PTPRU: variants seen among roughly 807,000 people sequenced by gnomAD.
PTPRU encodes the protein protein tyrosine phosphatase receptor type U, also known as receptor-type tyrosine-protein phosphatase U.
Under a neutral mutation model 166.3 loss-of-function variants are expected in PTPRU, and 69 were observed. That is an observed-to-expected ratio of 0.41 (90% CI 0.34 to 0.51). PTPRU has a LOEUF of 0.51. Ranked by LOEUF, PTPRU falls within the 20% of genes least tolerant of loss-of-function variation. PTPRU has a pLI of 0.09. For synonymous variants in PTPRU, 793 were observed against 814.0 expected (o/e 0.97, Z 0.44); for missense variants, 1,657 against 2,013.7 (o/e 0.82, Z 3.39).
intron 14 of PTPRU, among the ~76,000 whole-genome samples, chr1:29,290,596 C>T (rs1244060612): frequency 6.6e-6 from 1 of 152,250 alleles, no homozygotes; most frequent in Non-Finnish European, 1.5e-5. Context: ...TCTCTCACCT[C>T]CTCCTCCCTG....
chr1:29,311,621 TC>T lies in PTPRU; in HGVS notation c.2956-19del, dbSNP rs748966787. The T allele has an allele frequency of 9.3e-6, 15 of 1,613,738 alleles. No individual in the cohort carries two copies. The highest frequency in any genetic ancestry group is 1.7e-5 in the Admixed American group (1 of 60,006). On this transcript the variant is annotated intron_variant, in intron 20 of 29. Coordinates refer to ENST00000373779, the MANE Select transcript of PTPRU (RefSeq NM_133178.4). This position sits in a 1 kb window ranked among gnomAD's most constrained non-coding sequence, Gnocchi z 4.1. ...AGGGGGCAGCAAAGAGCCCACTGAG[TC>T]CCGTCCTGTGGGGCCTCTAGGTGAA...
At chr1:29,305,463 G>A (rs368294869) in intron 18 of PTPRU, 35 bp downstream of exon 18, 239 of 1,591,006 alleles carry the variant, frequency 1.5e-4, no homozygotes, top group Middle Eastern at 1.2e-3. Context: ...TGCAGACCTG[G>A]CCCTGCCCGC....
At position 29,320,724 on chromosome 1, in the gene PTPRU, C is replaced by CA. The variant is rs1688118299; in HGVS notation, c.3727_3728insA (p.Pro1243HisfsTer61). The CA allele has an allele frequency of 6.2e-7, 1 of 1,607,378 alleles. No individual in the cohort carries two copies. Among genetic ancestry groups the CA allele is most frequent in the Non-Finnish European group, 8.5e-7 (1 of 1,175,002 alleles). On this transcript the variant is annotated frameshift_variant, in exon 26 of 30. Transcript: ENST00000373779. LOFTEE classifies it high-confidence loss of function. This position sits in a 1 kb window ranked among gnomAD's most constrained non-coding sequence, Gnocchi z 5.2. ...TGCGGCCTTCATCGTGACCCTGCACCCGCTGCAGAGCACCACGCCCGACTT... is the reference window on the plus strand; with the variant it reads ...TGCGGCCTTCATCGTGACCCTGCACCACGCTGCAGAGCACCACGCCCGACTT...
chr1:29,305,532 G>C lies in PTPRU; in HGVS notation c.2820+104G>C, dbSNP rs370623222. The C allele has an allele frequency of 3.3e-6, 4 of 1,197,410 alleles. No individual in the cohort carries two copies. In the African/African-American group the frequency reaches 6.0e-5, roughly 18 times the overall value. The allele number at this position is 1,197,410 out of a possible 1,614,324, so 74.2% of individuals were successfully genotyped here. ...GTCGGGATAAATGGGGGTTCAAATG[G>C]CTGAGTTCGGAGTGCCCCTATCTCT... On this transcript the variant is annotated intron_variant, in intron 18 of 29. Coordinates refer to ENST00000373779, the MANE Select transcript of PTPRU (RefSeq NM_133178.4).
chr1:29,270,161 A>G (rs1420248531), intron 7 of PTPRU, among the ~76,000 whole-genome samples: 2 of 152,150 alleles, frequency 1.3e-5, no homozygotes, highest in Non-Finnish European at 2.9e-5. Context: ...CTGGCATCTC[A>G]TGTTAATGCA....
At chr1:29,300,163 A>G (rs1443317417) in intron 15 of PTPRU, among the ~76,000 whole-genome samples, 1 of 152,216 alleles carries the variant, frequency 6.6e-6, no homozygotes, top group African/African-American at 2.4e-5. Flanking sequence ...TGGAGAGAGT[A>G]GGTAACATCC....
At chr1:29,295,736 G>GAGTCAAATA (rs1241610396) in intron 15 of PTPRU, among the ~76,000 whole-genome samples, 2 of 151,966 alleles carry the variant, frequency 1.3e-5, no homozygotes, top group Non-Finnish European at 2.9e-5. Flanking sequence ...ACCCAGGCTG[G>GAGTCAAATA]AGTGCAGTGG....
intron 15 of PTPRU, among the ~76,000 whole-genome samples, chr1:29,295,565 A>ATG (rs1196487439): frequency 6.6e-6 from 1 of 152,162 alleles, no homozygotes; most frequent in African/African-American, 2.4e-5. Context: ...TTTTAGATAG[A>ATG]TGTCCCTAGG....
At position 29,254,659 on chromosome 1, in the gene PTPRU, C is replaced by T. The variant is rs183158034; in HGVS notation, c.74-616C>T. Among the ~76,000 whole-genome samples, 12 of 152,300 alleles carry T rather than the reference C, an allele frequency of 7.9e-5. No homozygotes were observed. In the East Asian group the frequency reaches 9.7e-4, roughly 12 times the overall value. ...TACTTACGCCATTTAGCATTGTGCC[C>T]GGCTTGAGTGGATTGGCGGCAACTG... On this transcript the variant is annotated intron_variant, in intron 1 of 29. Transcript: ENST00000373779.
At position 29,280,136 on chromosome 1, in the gene PTPRU, C is replaced by T; in HGVS notation, c.1863C>T (p.Pro621=). ...LLRPAQGRGA[P]ISVYQVIVEE... ...GGCCGGCACAGGGCCGCGGTGCGCC[C>T]ATCAGGTGGGAAAGCGGGGACGGAG... is the stretch of plus-strand genomic sequence containing the variant. The change falls in exon 11 of 30, where the codon CCC becomes CCT. Residue 621 remains proline, a synonymous_variant. Coordinates refer to ENST00000373779, the MANE Select transcript of PTPRU (RefSeq NM_133178.4). This position sits in a 1 kb window ranked among gnomAD's most constrained non-coding sequence, Gnocchi z 4.2. The T allele has an allele frequency of 6.2e-7, 1 of 1,611,120 alleles. No individual in the cohort carries two copies. The highest frequency in any genetic ancestry group is 8.5e-7 in the Non-Finnish European group (1 of 1,178,264).
intron 15 of PTPRU, among the ~76,000 whole-genome samples, chr1:29,298,952 T>G (rs948631378): frequency 6.6e-6 from 1 of 152,232 alleles, no homozygotes; most frequent in Non-Finnish European, 1.5e-5. Context: ...CTAGCTCTTA[T>G]TACAGGCTGT....
chr1:29,259,600 T>TGGGTTTTTGTGGGGGGGGGGGGGGGG, intron 5 of PTPRU, 36 bp downstream of exon 5: 1 of 253,658 alleles, frequency 3.9e-6, no homozygotes, highest in Non-Finnish European at 7.7e-6. Flanking sequence ...GGGGGCGGGG[T>TGGGTTTTTGTGGGGGGGGGGGGGGGG]GGGAGGGGGT....
In PTPRU at chr1:29,291,198, G is replaced by A. The variant is rs1261885990; in HGVS notation, c.2319-671G>A. On this transcript the variant is annotated intron_variant, in intron 14 of 29. Transcript: ENST00000373779. The surrounding 1 kb of genome is among the most constrained non-coding windows in gnomAD (Gnocchi z 4.1). ...GCAGCAGGACGGACTGGTGGGCAGTGGTGGGAATCTGGACCTTCTGTGGGT... is the reference window on the plus strand; with the variant it reads ...GCAGCAGGACGGACTGGTGGGCAGTAGTGGGAATCTGGACCTTCTGTGGGT... Among the ~76,000 whole-genome samples, 1 of 152,134 alleles carries A rather than the reference G, an allele frequency of 6.6e-6. No individual in the cohort carries two copies. Among genetic ancestry groups the A allele is most frequent in the African/African-American group, 2.4e-5 (1 of 41,422 alleles).
chr1:29,252,742 A>C (rs1684611167), intron 1 of PTPRU, among the ~76,000 whole-genome samples: 1 of 152,136 alleles, frequency 6.6e-6, no homozygotes, highest in African/African-American at 2.4e-5. Context: ...GTTTGGGAAA[A>C]GCTCTCTCAA....
At chr1:29,262,536 T>C (rs1046712425) in intron 7 of PTPRU, among the ~76,000 whole-genome samples, 3 of 152,226 alleles carry the variant, frequency 2.0e-5, no homozygotes, top group African/African-American at 7.2e-5. Context: ...GTAATTGTTC[T>C]ATTTTATTAT....
In PTPRU at chr1:29,273,524, T is replaced by C. The variant is rs141649411; in HGVS notation, c.1145-1924T>C. ...CCTCAGGTGATCCACCTGCCTTGGC[T>C]TTCCAAAGTGCTGGGATTACAGGTG... On this transcript the variant is annotated intron_variant, in intron 7 of 29. Transcript: ENST00000373779. Among the ~76,000 whole-genome samples, 283 of 152,122 alleles carry C rather than the reference T, an allele frequency of 1.9e-3. 1 individual carries two copies. Among genetic ancestry groups the C allele is most frequent in the African/African-American group, 6.4e-3 (266 of 41,492 alleles).
chr1:29,321,122 T>C (rs71644124), intron 26 of PTPRU, among the ~76,000 whole-genome samples: 4,694 of 152,050 alleles, frequency 0.031, 121 homozygotes, highest in African/African-American at 0.063. Context: ...CCTCGACCTC[T>C]TGGGCCCAAG....
At position 29,315,879 on chromosome 1, in the gene PTPRU, A is replaced by C; in HGVS notation, c.3364-123A>C. 8.1e-7 allele frequency: 1 copy of C among 1,229,192 alleles called. No individual in the cohort carries two copies. Among genetic ancestry groups the C allele is most frequent in the Non-Finnish European group, 1.1e-6 (1 of 886,000 alleles). 76.1% of individuals were successfully genotyped at this position (1,229,192 alleles called of 1,614,324 possible). A position where few individuals can be genotyped will look rare whatever the true frequency, so the allele number is the denominator to read the frequency against. On this transcript the variant is annotated intron_variant, in intron 23 of 29. Transcript: ENST00000373779. This position sits in a 1 kb window ranked among gnomAD's most constrained non-coding sequence, Gnocchi z 4.5. ...TTCAGGTAGGCTTGGTCCAGCCTGT[A>C]GTAACATGGTTGGCCTCCACCTCAG...
intron 18 of PTPRU, among the ~76,000 whole-genome samples, chr1:29,308,233 C>A (rs1687487061): frequency 6.6e-6 from 1 of 151,518 alleles, no homozygotes; most frequent in Non-Finnish European, 1.5e-5. Context: ...CCTCAGCCTC[C>A]TGAGTAGCTG....
Sources: gnomAD v4.1 joint callset for allele counts (sites outside exome capture counted in the v4.1 genomes callset) on GRCh38, gnomAD v4.1.1 for gene constraint, Gnocchi (gnomAD v3.1) non-coding constraint, MANE v1.5 for transcripts, NCBI Gene and HGNC (gene_info 2026-07-23, HGNC 2026-07-21) for gene names.